The following AP4S1 variants were observed in gnomAD, a reference collection of about 807,000 sequenced individuals.
AP4S1 encodes adaptor related protein complex 4 subunit sigma 1, also known as AP-4 complex subunit sigma-1.
Under a neutral mutation model 19.8 loss-of-function variants are expected in AP4S1, and 23 were observed. The ratio of observed to expected loss-of-function variants is 1.16; its 90% CI spans 0.84 to 1.65. The LOEUF (loss-of-function observed/expected upper bound fraction) is 1.65. Among genes scored for constraint, AP4S1 ranks in the 40% most tolerant of loss-of-function variants. The pLI is 0.00. For synonymous variants in AP4S1, 46 were observed against 54.1 expected (o/e 0.85, Z 0.66); for missense variants, 166 against 172.8 (o/e 0.96, Z 0.22).
chr14:31,057,515 C>A (rs1200511073), intron 1 of AP4S1, among the ~76,000 whole-genome samples: 1 of 152,170 alleles, frequency 6.6e-6, no homozygotes, highest in Non-Finnish European at 1.5e-5. Context: ...CTTCGTTCAG[C>A]CTCTTCAATC....
chr14:31,090,343 C>T (rs1169819226), intron 5 of AP4S1, among the ~76,000 whole-genome samples: 1 of 152,174 alleles, frequency 6.6e-6, no homozygotes, highest in Non-Finnish European at 1.5e-5. Context: ...ATTCCAGGAG[C>T]CCTACGATGT....
chr14:31,088,330 G>C (rs926516718), intron 5 of AP4S1, among the ~76,000 whole-genome samples: 6 of 152,144 alleles, frequency 3.9e-5, no homozygotes, highest in African/African-American at 1.4e-4. Context: ...CAGGAATAGT[G>C]ACAGCAAGTT....
chr14:31,067,913 G>C (rs912029981), intron 2 of AP4S1, among the ~76,000 whole-genome samples: 1 of 151,426 alleles, frequency 6.6e-6, no homozygotes, highest in African/African-American at 2.4e-5. Flanking sequence ...CTCTTGCCCA[G>C]GCTGGAGTGC....
chr14:31,035,977 GC>G, intron 1 of AP4S1, among the ~76,000 whole-genome samples: 1 of 151,838 alleles, frequency 6.6e-6, no homozygotes, highest in Non-Finnish European at 1.5e-5. Context: ...TGATCCGCCC[GC>G]CTTGGCCTCC....
intron 4 of AP4S1, among the ~76,000 whole-genome samples, chr14:31,075,741 A>ATTTTT (rs199770029): frequency 7.0e-6 from 1 of 143,114 alleles, no homozygotes; most frequent in African/African-American, 2.6e-5. Context: ...GGATATACCA[A>ATTTTT]TTTTTTTTTT....
At chr14:31,070,665 T>G (rs1467655123) in intron 3 of AP4S1, among the ~76,000 whole-genome samples, 1 of 152,176 alleles carries the variant, frequency 6.6e-6, no homozygotes, top group Non-Finnish European at 1.5e-5. Context: ...CAGAATGCCT[T>G]TTTCTGTTGT....
intron 3 of AP4S1, 63 bp from the exon 4 acceptor site, chr14:31,072,842 C>T: frequency 7.3e-7 from 1 of 1,371,652 alleles, no homozygotes; most frequent in South Asian, 1.2e-5. Context: ...CTGGGAAGTT[C>T]TATGTCTGGT....
At chr14:31,089,706 G>C (rs954499261) in intron 5 of AP4S1, among the ~76,000 whole-genome samples, 1 of 152,202 alleles carries the variant, frequency 6.6e-6, no homozygotes, top group Non-Finnish European at 1.5e-5. Flanking sequence ...CTTGAGGTCA[G>C]GAGTTATAGA....
chr14:31,058,517 C>CTGTGTGTGTGTGTGTGTGTGTGTGTGTG (rs1241249693), intron 1 of AP4S1, among the ~76,000 whole-genome samples: 1 of 139,370 alleles, frequency 7.2e-6, no homozygotes, highest in African/African-American at 2.7e-5. Context: ...TTCCCCATCT[C>CTGTGTGTGTGTGTGTGTGTGTGTGTGTG]TGTGTGTGTA....
In AP4S1 at chr14:31,064,070, A is replaced by G. The variant is rs185971620; in HGVS notation, c.-71-2056A>G. ...ACTTGCATTGATTTTTCCAAAACCT[A>G]TGTTGAGTGTAAGAGAAACAAATAT... is the stretch of plus-strand genomic sequence containing the variant. On this transcript the variant is annotated intron_variant, in intron 1 of 5. Coordinates refer to ENST00000542754, the MANE Select transcript of AP4S1 (RefSeq NM_001128126.3). Among the ~76,000 whole-genome samples, 47 of 152,272 alleles carry G rather than the reference A, an allele frequency of 3.1e-4. 1 individual carries two copies. The highest frequency in any genetic ancestry group is 2.2e-3 in the Admixed American group (33 of 15,278).
At chr14:31,032,837 TAC>T (rs1884485487) in intron 1 of AP4S1, 1 of 152,242 alleles carries the variant, frequency 6.6e-6, no homozygotes, top group African/African-American at 2.4e-5. Flanking sequence ...CCCAGCCTCG[TAC>T]AGTTTTATAT....
chr14:31,086,558 CA>C (rs1053491081), intron 5 of AP4S1: 33 of 152,372 alleles, frequency 2.2e-4, no homozygotes, highest in African/African-American at 7.5e-4. Context: ...GGATTACAGG[CA>C]TGCACCACCG....
chr14:31,085,494 C>T lies in AP4S1; in HGVS notation c.306+4910C>T, dbSNP rs1417775581. On this transcript the variant is annotated intron_variant, in intron 5 of 5. Coordinates refer to ENST00000542754, the MANE Select transcript of AP4S1 (RefSeq NM_001128126.3). ...TTCTTGATTTAAAGACATCTTTAGA[C>T]CGGGCACAGTGGCTCACGCCAGTAA... The T allele has an allele frequency of 6.1e-6, 6 of 985,942 alleles. No homozygotes were observed. The African/African-American group carries it at 1.0e-4, about 17-fold the overall frequency. The allele number at this position is 985,942 out of a possible 1,614,324, so 61.1% of individuals were successfully genotyped here.
At chr14:31,081,759 C>T (rs993421587) in intron 5 of AP4S1, among the ~76,000 whole-genome samples, 5 of 151,148 alleles carry the variant, frequency 3.3e-5, no homozygotes, top group African/African-American at 7.3e-5. Context: ...TGTGTGTGTA[C>T]GTGCACAAAC....
intron 1 of AP4S1, among the ~76,000 whole-genome samples, chr14:31,046,584 G>A (rs1490677567): frequency 1.3e-5 from 2 of 152,094 alleles, no homozygotes; most frequent in Non-Finnish European, 1.5e-5. Flanking sequence ...GGTAGCTCAC[G>A]CCTGTTATCC....
At chr14:31,038,290 G>C (rs889354864) in intron 1 of AP4S1, among the ~76,000 whole-genome samples, 7 of 152,170 alleles carry the variant, frequency 4.6e-5, no homozygotes, top group African/African-American at 1.7e-4. Flanking sequence ...ACACTATAGT[G>C]AATATAGTAA....
intron 5 of AP4S1, among the ~76,000 whole-genome samples, chr14:31,088,893 A>C (rs1887997933): frequency 6.6e-6 from 1 of 151,526 alleles, no homozygotes; most frequent in Non-Finnish European, 1.5e-5. Flanking sequence ...ACAGTGGCTC[A>C]TGCTTGTAAT....
chr14:31,052,314 G>A (rs758817468), intron 1 of AP4S1, among the ~76,000 whole-genome samples: 23 of 152,092 alleles, frequency 1.5e-4, no homozygotes, highest in Non-Finnish European at 2.9e-4. Context: ...TTCTCAGTTT[G>A]TAGTATCTGC....
At chr14:31,063,030 C>T (rs1435202089) in intron 1 of AP4S1, among the ~76,000 whole-genome samples, 1 of 151,874 alleles carries the variant, frequency 6.6e-6, no homozygotes, top group Non-Finnish European at 1.5e-5. Context: ...GAGGCAGTGG[C>T]TCATGCCTAT....
Sources: allele counts gnomAD v4.1 joint callset (sites outside exome capture counted in the v4.1 genomes callset), GRCh38; gene constraint gnomAD v4.1.1; transcripts MANE v1.5; gene names NCBI Gene and HGNC (gene_info 2026-07-23, HGNC 2026-07-21).